The following DGCR2 variants were observed in gnomAD, a reference collection of about 807,000 sequenced individuals.
DGCR2 encodes the protein DiGeorge syndrome critical region gene 2.
A neutral mutation model predicts 51.6 loss-of-function variants in DGCR2; 24 were observed. The ratio of observed to expected loss-of-function variants is 0.47; its 90% CI spans 0.34 to 0.65. DGCR2 has a LOEUF of 0.65. Ranked by LOEUF, DGCR2 falls within the 30% of genes least tolerant of loss-of-function variation. The pLI is 0.01. For missense variants in DGCR2, 765 were observed against 772.1 expected, an observed-to-expected ratio of 0.99 and a Z score of 0.11; for synonymous variants, 340 against 315.4, an observed-to-expected ratio of 1.08 and a Z score of -0.82.
At chr22:19,060,976 C>T (rs2082656480) in intron 5 of DGCR2, 2 of 378,506 alleles carry the variant, frequency 5.3e-6, no homozygotes, top group South Asian at 4.0e-5. Flanking sequence ...TTATACAACA[C>T]AGAAAAGATG....
intron 2 of DGCR2, 80 bp downstream of exon 2, chr22:19,089,288 C>T: frequency 6.9e-7 from 1 of 1,443,046 alleles, no homozygotes; most frequent in Non-Finnish European, 9.3e-7. Context: ...CACACACCTC[C>T]ACCCCTCACA....
chr22:19,056,616 G>T, intron 6 of DGCR2: 1 of 380,962 alleles, frequency 2.6e-6, no homozygotes, highest in South Asian at 3.9e-5. Flanking sequence ...GAGAAGCAGA[G>T]AGAAGGATGG....
At chr22:19,040,760 G>C (rs2082421684) in intron 9 of DGCR2, among the ~76,000 whole-genome samples, 1 of 152,344 alleles carries the variant, frequency 6.6e-6, no homozygotes, top group Admixed American at 6.5e-5. Flanking sequence ...TCTAGAGCTG[G>C]GCTGAGGGCC....
rs1185418961 is a variant in DGCR2 at position 19,099,651 on chromosome 22, TC to T, written c.80-10162del. 2.6e-5 allele frequency among the ~76,000 whole-genome samples: 4 copies of T among 151,960 alleles called. No individual in the cohort carries two copies. In the East Asian group the frequency reaches 7.8e-4, roughly 30 times the overall value. ...TCTCTGTAAAGCAGTAAGTGCAACT[TC>T]TGCCACATACAAAGTTGCTTAAAAA... is the stretch of plus-strand genomic sequence containing the variant. On this transcript the variant is annotated intron_variant, in intron 1 of 9. Coordinates refer to ENST00000263196, the MANE Select transcript of DGCR2 (RefSeq NM_005137.3).
rs1277903595 is a variant in DGCR2 at position 19,041,099 on chromosome 22, T to TCGTA, written c.1351_1354dup (p.Glu452ValfsTer13). The stretch of plus-strand genomic sequence containing the variant: ...CACACTGTCCGGGTGGATGGAGGCC[T>TCGTA]CGTAGGGCGGCGGAGGGTCGTCGGG... On this transcript the variant is annotated frameshift_variant, in exon 9 of 10. Transcript: ENST00000263196. LOFTEE classifies it low-confidence loss of function (END_TRUNC). The TCGTA allele has an allele frequency of 6.2e-7, 1 of 1,612,446 alleles. No individual in the cohort carries two copies. Among genetic ancestry groups the TCGTA allele is most frequent in the Non-Finnish European group, 8.5e-7 (1 of 1,179,082 alleles).
Position 19,038,445 on chromosome 22 carries a change from C to T in DGCR2, c.*420G>A, listed in dbSNP as rs944171040. 1 of 173,654 alleles carries T rather than the reference C, an allele frequency of 5.8e-6. No homozygotes were observed. The highest frequency in any genetic ancestry group is 5.5e-5 in the Admixed American group (1 of 18,142). The allele number at this position is 173,654 out of a possible 1,614,324, so 10.8% of individuals were successfully genotyped here. A position where few individuals can be genotyped will look rare whatever the true frequency, so the allele number is the denominator to read the frequency against. ...GGGCGGCCAGCAAGGGGCACTGTGG[C>T]AGCTCCCACTGTGCCTGTCCCAGAC... On this transcript the variant is annotated 3_prime_UTR_variant, in exon 10 of 10. Coordinates refer to ENST00000263196, the MANE Select transcript of DGCR2 (RefSeq NM_005137.3).
chr22:19,085,342 A>G (rs2083003286), intron 2 of DGCR2, among the ~76,000 whole-genome samples: 1 of 152,226 alleles, frequency 6.6e-6, no homozygotes, highest in African/African-American at 2.4e-5. Context: ...TCTGCTGCCA[A>G]TACTGCAGCT....
At chr22:19,060,433 G>A (rs1401503884) in intron 5 of DGCR2, 1 of 154,066 alleles carries the variant, frequency 6.5e-6, no homozygotes, top group African/African-American at 2.4e-5. Flanking sequence ...TGTGCGTGCT[G>A]AGACACCACG....
intron 3 of DGCR2, among the ~76,000 whole-genome samples, chr22:19,066,968 C>G (rs1569057585): frequency 6.6e-6 from 1 of 152,244 alleles, no homozygotes; most frequent in Non-Finnish European, 1.5e-5. Context: ...ACTGTGGGGA[C>G]CCGTTCGGGC....
At chr22:19,056,638 G>A in intron 6 of DGCR2, 1 of 387,618 alleles carries the variant, frequency 2.6e-6, no homozygotes, top group African/African-American at 2.1e-5. Context: ...AGAAATGGGG[G>A]GTGGGGAGGT....
At chr22:19,111,383 C>G (rs888439564) in intron 1 of DGCR2, among the ~76,000 whole-genome samples, 2 of 152,174 alleles carry the variant, frequency 1.3e-5, no homozygotes, top group Non-Finnish European at 2.9e-5. Context: ...CCACTTAGCT[C>G]CCTCTGCCAT....
At chr22:19,106,530 A>T (rs1489356941) in intron 1 of DGCR2, among the ~76,000 whole-genome samples, 1 of 152,206 alleles carries the variant, frequency 6.6e-6, no homozygotes, top group Admixed American at 6.5e-5. Context: ...AGCCACAAGG[A>T]GCCCAGAGGC....
intron 6 of DGCR2, among the ~76,000 whole-genome samples, chr22:19,049,411 C>T (rs1292979602): frequency 6.6e-6 from 1 of 152,080 alleles, no homozygotes; most frequent in African/African-American, 2.4e-5. Context: ...TCCAAGAGAG[C>T]CACCCTCAGT....
At chr22:19,087,191 G>T (rs1407540949) in intron 2 of DGCR2, among the ~76,000 whole-genome samples, 1 of 152,114 alleles carries the variant, frequency 6.6e-6, no homozygotes, top group African/African-American at 2.4e-5. Flanking sequence ...GAAGCCCACT[G>T]GGAATCCACT....
At chr22:19,077,538 G>C (rs184049042) in intron 2 of DGCR2, among the ~76,000 whole-genome samples, 236 of 152,206 alleles carry the variant, frequency 1.6e-3, no homozygotes, top group Non-Finnish European at 2.5e-3. Flanking sequence ...CTATTCCATT[G>C]GTCTATATGT....
At chr22:19,059,609 AC>A (rs779813286) in intron 5 of DGCR2, among the ~76,000 whole-genome samples, 15 of 151,110 alleles carry the variant, frequency 9.9e-5, no homozygotes, top group Non-Finnish European at 1.9e-4. Context: ...ACTACTCCTC[AC>A]CCCCTGCCAC....
At chr22:19,068,045 G>T in intron 3 of DGCR2, 55 bp downstream of exon 3, 3 of 1,491,150 alleles carry the variant, frequency 2.0e-6, no homozygotes, top group South Asian at 1.3e-5. Flanking sequence ...AAAGGCAGGG[G>T]TCATGTCAGG....
At chr22:19,115,646 G>A (rs558356928) in intron 1 of DGCR2, among the ~76,000 whole-genome samples, 8 of 152,364 alleles carry the variant, frequency 5.3e-5, no homozygotes, top group African/African-American at 1.9e-4. Context: ...TGCCCAGTCT[G>A]TGCCTGACCA....
At chr22:19,114,538 A>G (rs757345) in intron 1 of DGCR2, among the ~76,000 whole-genome samples, 2,493 of 152,316 alleles carry the variant, frequency 0.016, 89 homozygotes, top group East Asian at 0.062. Context: ...AAGACCATAG[A>G]CAGAGTTCTG....
Sources: allele counts gnomAD v4.1 joint callset (sites outside exome capture counted in the v4.1 genomes callset), GRCh38; gene constraint gnomAD v4.1.1; transcripts MANE v1.5; gene names NCBI Gene and HGNC (gene_info 2026-07-23, HGNC 2026-07-21).